The following OR2Z1 variants were observed in gnomAD, a reference collection of about 807,000 sequenced individuals.
OR2Z1 encodes olfactory receptor family 2 subfamily Z member 1.
For missense variants in OR2Z1, 449 were observed against 401.8 expected, an observed-to-expected ratio of 1.12 and a Z score of -1.00; for synonymous variants, 188 against 160.6, an observed-to-expected ratio of 1.17 and a Z score of -1.29.
intron 2 of OR2Z1, among the ~76,000 whole-genome samples, chr19:8,726,176 A>G (rs1187894608): frequency 6.6e-6 from 1 of 152,180 alleles, no homozygotes; most frequent in Non-Finnish European, 1.5e-5. Flanking sequence ...CGTGTTGACC[A>G]GGCTGGTTGC....
chr19:8,731,079 C>T lies in OR2Z1; in HGVS notation c.51C>T (p.Leu17=), dbSNP rs2043350755. The stretch of plus-strand genomic sequence containing the variant: ...CCTCAGACTTCATTCTGGTGGGCCT[C>T]TTCAGTCACTCAGGATCACGCCAGC... ...SVASDFILVG[L]FSHSGSRQLL... Residue 17 remains leucine, a synonymous_variant, in exon 3 of 3, where the codon CTC becomes CTT. Transcript: ENST00000641125. 8 of 1,614,140 alleles carry T rather than the reference C, an allele frequency of 5.0e-6. No homozygotes were observed. The Middle Eastern group carries it at 6.6e-4, about 133-fold the overall frequency.
Position 8,732,146 on chromosome 19 carries a change from T to G in OR2Z1, c.*173T>G. On this transcript the variant is annotated 3_prime_UTR_variant, in exon 3 of 3. Coordinates refer to ENST00000641125, the MANE Select transcript of OR2Z1 (RefSeq NM_001004699.3). ...CTTTTAAATTGAGGTAGAATACACG[T>G]AACATAAAATGAGCCACTTTGAAGT... The G allele has an allele frequency of 1.6e-6, 1 of 609,120 alleles. No homozygotes were observed. The highest frequency in any genetic ancestry group is 2.9e-6 in the Non-Finnish European group (1 of 344,842). The allele number at this position is 609,120 out of a possible 1,614,324, so 37.7% of individuals were successfully genotyped here. A position where few individuals can be genotyped will look rare whatever the true frequency, so the allele number is the denominator to read the frequency against.
chr19:8,726,026 C>T (rs1182430636), intron 2 of OR2Z1, among the ~76,000 whole-genome samples: 1 of 151,940 alleles, frequency 6.6e-6, no homozygotes, highest in Non-Finnish European at 1.5e-5. Context: ...AATGCAGTGG[C>T]ACGGTCTCGG....
intron 2 of OR2Z1, among the ~76,000 whole-genome samples, chr19:8,723,611 T>A (rs1555755863): frequency 7.6e-6 from 1 of 132,184 alleles, no homozygotes; most frequent in African/African-American, 2.5e-5. Context: ...ACACATACAG[T>A]GCGTGTGTGT....
chr19:8,725,739 G>T (rs1020992884), intron 2 of OR2Z1, among the ~76,000 whole-genome samples: 9 of 152,310 alleles, frequency 5.9e-5, no homozygotes, highest in South Asian at 2.1e-4. Context: ...AGATAGCAAG[G>T]TCAGTGTATT....
intron 2 of OR2Z1, chr19:8,729,295 T>C: frequency 1.8e-6 from 1 of 551,484 alleles, no homozygotes; most frequent in Non-Finnish European, 3.2e-6. Flanking sequence ...TATTCCTGCG[T>C]ACCCAGTGAT....
chr19:8,727,365 A>G (rs2043331703), intron 2 of OR2Z1, among the ~76,000 whole-genome samples: 1 of 152,208 alleles, frequency 6.6e-6, no homozygotes. Flanking sequence ...GCTGTCTGGC[A>G]TGCTGGGAAT....
At chr19:8,728,106 T>C (rs2043335233) in intron 2 of OR2Z1, among the ~76,000 whole-genome samples, 1 of 152,236 alleles carries the variant, frequency 6.6e-6, no homozygotes, top group Admixed American at 6.5e-5. Context: ...CTTTGCTTTT[T>C]CTTTTCCTTT....
rs546965180 is a variant in OR2Z1 at position 8,726,598 on chromosome 19, T to C, written c.-170+3448T>C. On this transcript the variant is annotated intron_variant, in intron 2 of 2. Transcript: ENST00000641125. ...TGTGCATTTATCTTCTTGTTGGTCA[T>C]TGGTCTCCTGATGGAGATGGTGGAG... 2.0e-5 allele frequency among the ~76,000 whole-genome samples: 3 copies of C among 152,366 alleles called. No homozygotes were observed. The East Asian group carries it at 5.8e-4, about 29-fold the overall frequency.
rs574235171 is a variant in OR2Z1 at position 8,730,831 on chromosome 19, C to A, written c.-169-29C>A. The A allele has an allele frequency of 2.3e-5, 14 of 604,184 alleles. No homozygotes were observed. In the East Asian group the frequency reaches 3.6e-4, roughly 15 times the overall value. The allele number at this position is 604,184 out of a possible 1,614,324, so 37.4% of individuals were successfully genotyped here. ...TTTCCCATCCCATGCCTTGGATAGA[C>A]ACTAACTGATTAAGTTTTCTCCCTC... On this transcript the variant is annotated intron_variant, in intron 2 of 2. Transcript: ENST00000641125.
At chr19:8,725,622 T>C (rs2043324235) in intron 2 of OR2Z1, among the ~76,000 whole-genome samples, 1 of 152,350 alleles carries the variant, frequency 6.6e-6, no homozygotes, top group East Asian at 1.9e-4. Context: ...TAGATTTCAC[T>C]GTTAGAAAGT....
chr19:8,721,884 G>A lies in OR2Z1; in HGVS notation c.-373G>A, dbSNP rs2043309281. The A allele has an allele frequency of 6.6e-6, 1 of 152,252 alleles. No individual in the cohort carries two copies. 9.4% of individuals were successfully genotyped at this position (152,252 alleles called of 1,614,324 possible). A position where few individuals can be genotyped will look rare whatever the true frequency, so the allele number is the denominator to read the frequency against. ...TGGAGACTGTGACCATCCTACAACA[G>A]TGATGCTCTGGAGGAATTCTCAGCT... On this transcript the variant is annotated 5_prime_UTR_variant, in exon 1 of 3. It adds an upstream start codon to the 5' untranslated region. Transcript: ENST00000641125.
At chr19:8,722,615 G>A (rs939694213) in intron 1 of OR2Z1, among the ~76,000 whole-genome samples, 3 of 152,166 alleles carry the variant, frequency 2.0e-5, no homozygotes, top group Non-Finnish European at 4.4e-5. Flanking sequence ...CCAGATTAGA[G>A]TAAGTCATGG....
chr19:8,728,083 C>A (rs1206000978), intron 2 of OR2Z1, among the ~76,000 whole-genome samples: 7 of 152,222 alleles, frequency 4.6e-5, no homozygotes, highest in African/African-American at 1.7e-4. Flanking sequence ...TCTGAGAGAA[C>A]CACTCCTGTC....
At position 8,731,262 on chromosome 19, in the gene OR2Z1, C is replaced by A. The variant is rs201431397; in HGVS notation, c.234C>A (p.Ile78=). 3.1e-6 allele frequency: 5 copies of A among 1,614,034 alleles called. No individual in the cohort carries two copies. Among genetic ancestry groups the A allele is most frequent in the South Asian group, 2.2e-5 (2 of 91,078 alleles). The stretch of plus-strand genomic sequence containing the variant: ...ACATTGGCTGTCCCATGGTCACCAT[C>A]CCCAAGATGGCATCAGACTTTCTGC... ...LFDIGCPMVT[I]PKMASDFLRG... The change falls in exon 3 of 3, where the codon ATC becomes ATA. Residue 78 remains isoleucine, a synonymous_variant. Coordinates refer to ENST00000641125, the MANE Select transcript of OR2Z1 (RefSeq NM_001004699.3).
chr19:8,726,322 AG>A (rs1477572978), intron 2 of OR2Z1, among the ~76,000 whole-genome samples: 1 of 152,144 alleles, frequency 6.6e-6, no homozygotes, highest in African/African-American at 2.4e-5. Flanking sequence ...ATCATGACCA[AG>A]GGGGATGGTA....
At chr19:8,726,340 C>T (rs1204467272) in intron 2 of OR2Z1, among the ~76,000 whole-genome samples, 2 of 152,148 alleles carry the variant, frequency 1.3e-5, no homozygotes, top group Non-Finnish European at 2.9e-5. Context: ...GGTACTAAAC[C>T]ATTCATGAGA....
At position 8,730,963 on chromosome 19, in the gene OR2Z1, AC is replaced by A; in HGVS notation, c.-62del. ...GCATGTGAGATGAAAATTATTTGCCACCCCATGCAGGCTTCTTGCCATAGTT... is the reference window on the plus strand; with the variant it reads ...GCATGTGAGATGAAAATTATTTGCCACCCATGCAGGCTTCTTGCCATAGTT... On this transcript the variant is annotated 5_prime_UTR_variant, in exon 3 of 3. An upstream open reading frame in the 5' UTR gains an earlier in-frame stop. Transcript: ENST00000641125. 2.3e-6 allele frequency: 3 copies of A among 1,300,628 alleles called. No individual in the cohort carries two copies. The highest frequency in any genetic ancestry group is 3.3e-6 in the Non-Finnish European group (3 of 922,064). 80.6% of individuals were successfully genotyped at this position (1,300,628 alleles called of 1,614,324 possible). A position where few individuals can be genotyped will look rare whatever the true frequency, so the allele number is the denominator to read the frequency against.
chr19:8,729,616 G>A (rs1555756518), intron 2 of OR2Z1, among the ~76,000 whole-genome samples: 1 of 151,100 alleles, frequency 6.6e-6, no homozygotes, highest in Admixed American at 6.6e-5. Flanking sequence ...TTTTGACGGA[G>A]TTTTGCTCTT....
Sources: allele counts gnomAD v4.1 joint callset (sites outside exome capture counted in the v4.1 genomes callset), GRCh38; gene constraint gnomAD v4.1.1; transcripts MANE v1.5; gene names NCBI Gene and HGNC (gene_info 2026-07-23, HGNC 2026-07-21).